UCK2: variants seen among roughly 807,000 people sequenced by gnomAD.
UCK2 encodes uridine-cytidine kinase 2.
Under a neutral mutation model 30.8 loss-of-function variants are expected in UCK2, and 6 were observed. That is an observed-to-expected ratio of 0.19 (90% CI 0.11 to 0.38). The LOEUF (loss-of-function observed/expected upper bound fraction) is 0.38, where lower values mean the gene tolerates loss of function less well. UCK2 is among the 10% of genes least tolerant of loss of function. The pLI, the probability that UCK2 is intolerant of heterozygous loss-of-function variation, is 1.00. For missense variants in UCK2, 210 were observed against 339.8 expected (o/e 0.62, Z 3.00); for synonymous variants, 125 against 133.6 (o/e 0.94, Z 0.45).
chr1:165,893,922 A>G lies in UCK2; in HGVS notation c.357-2268A>G, dbSNP rs76527416. Among the ~76,000 whole-genome samples, 635 of 152,348 alleles carry G rather than the reference A, an allele frequency of 4.2e-3. 5 individuals are homozygous for G. Among genetic ancestry groups the G allele is most frequent in the African/African-American group, 0.015 (604 of 41,568 alleles). On this transcript the variant is annotated intron_variant, in intron 3 of 6. Coordinates refer to ENST00000367879, the MANE Select transcript of UCK2 (RefSeq NM_012474.5). ...GTATTTATCAGTTAGGCATCCTAAA[A>G]TGCTCTTAATATCTAGTGTCAGTAC...
intron 6 of UCK2, among the ~76,000 whole-genome samples, chr1:165,906,735 G>A (rs12045367): frequency 0.24 from 36,779 of 152,206 alleles, 5,365 homozygotes; most frequent in East Asian, 0.49. Flanking sequence ...GCGTAGTGTG[G>A]CAGAGTTGAT....
In UCK2 at chr1:165,827,819, G is replaced by C. The variant is rs547366690; in HGVS notation, c.-15G>C. 2 of 1,416,608 alleles carry C rather than the reference G, an allele frequency of 1.4e-6. No individual in the cohort carries two copies. The highest frequency in any genetic ancestry group is 2.9e-5 in the East Asian group (1 of 34,096). The allele number at this position is 1,416,608 out of a possible 1,614,324, so 87.8% of individuals were successfully genotyped here. ...TCCGTTCGCACAGGCAGCGGGAGGA[G>C]GGGCGGCGCGAACCATGGCCGGGGA... On this transcript the variant is annotated 5_prime_UTR_variant, in exon 1 of 7. Coordinates refer to ENST00000367879, the MANE Select transcript of UCK2 (RefSeq NM_012474.5).
intron 1 of UCK2, among the ~76,000 whole-genome samples, chr1:165,869,018 G>A (rs773896720): frequency 4.6e-5 from 7 of 152,100 alleles, no homozygotes; most frequent in Non-Finnish European, 8.8e-5. Context: ...CTTCAATATT[G>A]TTCTGTCGCA....
intron 1 of UCK2, among the ~76,000 whole-genome samples, chr1:165,829,295 C>T (rs1264720786): frequency 1.3e-5 from 2 of 152,206 alleles, no homozygotes; most frequent in Admixed American, 1.3e-4. Context: ...ATGTTCTTTA[C>T]TATGACTTAT....
chr1:165,863,039 C>G (rs10918297), intron 1 of UCK2, among the ~76,000 whole-genome samples: 61,373 of 152,052 alleles, frequency 0.4, 12,498 homozygotes, highest in African/African-American at 0.45. Context: ...CATAGGAAAC[C>G]TATTATGTGC....
chr1:165,894,733 C>T (rs890766579), intron 3 of UCK2, among the ~76,000 whole-genome samples: 1 of 152,040 alleles, frequency 6.6e-6, no homozygotes, highest in Non-Finnish European at 1.5e-5. Flanking sequence ...TGCCTTAAAA[C>T]TCAGACACAA....
At chr1:165,878,217 A>G (rs1038531160) in intron 1 of UCK2, among the ~76,000 whole-genome samples, 2 of 152,104 alleles carry the variant, frequency 1.3e-5, no homozygotes, top group African/African-American at 2.4e-5. Flanking sequence ...AGAATGTCAT[A>G]TACTGTAGTT....
chr1:165,873,854 G>GCTTTGGATCTCACATCACCAGAGC (rs1655265140), intron 1 of UCK2, among the ~76,000 whole-genome samples: 1 of 151,910 alleles, frequency 6.6e-6, no homozygotes, highest in African/African-American at 2.4e-5. Context: ...TAAAACACCA[G>GCTTTGGATCTCACATCACCAGAGC]CTTTGGATCT....
rs535084668 is a variant in UCK2 at position 165,891,549 on chromosome 1, C to T, written c.356+227C>T. Reference sequence around the variant, plus strand: ...GCTCCCTGGAACAGTCCTGTTGTCACGATTCCTTAACTCTGAAGGATGGGA... The same window carrying T: ...GCTCCCTGGAACAGTCCTGTTGTCATGATTCCTTAACTCTGAAGGATGGGA... On this transcript the variant is annotated intron_variant, in intron 3 of 6. Coordinates refer to ENST00000367879, the MANE Select transcript of UCK2 (RefSeq NM_012474.5). 107 of 477,482 alleles carry T rather than the reference C, an allele frequency of 2.2e-4. 1 individual carries two copies. The South Asian group carries it at 2.8e-3, about 12-fold the overall frequency. The allele number at this position is 477,482 out of a possible 1,614,324, so 29.6% of individuals were successfully genotyped here.
chr1:165,860,401 C>G (rs1188332757), intron 1 of UCK2, among the ~76,000 whole-genome samples: 1 of 152,112 alleles, frequency 6.6e-6, no homozygotes, highest in Non-Finnish European at 1.5e-5. Flanking sequence ...ATTCATCTCC[C>G]TGCAGTTGTG....
intron 1 of UCK2, among the ~76,000 whole-genome samples, chr1:165,837,493 C>T (rs948568317): frequency 6.6e-6 from 1 of 152,152 alleles, no homozygotes; most frequent in Non-Finnish European, 1.5e-5. Flanking sequence ...GTCCTGGGAC[C>T]CTTCAGTATG....
chr1:165,908,201 C>T lies in UCK2; in HGVS notation c.*378C>T. On this transcript the variant is annotated 3_prime_UTR_variant, in exon 7 of 7. Coordinates refer to ENST00000367879, the MANE Select transcript of UCK2 (RefSeq NM_012474.5). ...GTACTTGAGTGTTTTAGGACTGGAGCTGGAATTTCACCAAGGGGAAATTGC... is the reference window on the plus strand; with the variant it reads ...GTACTTGAGTGTTTTAGGACTGGAGTTGGAATTTCACCAAGGGGAAATTGC... 6.4e-6 allele frequency: 1 copy of T among 155,574 alleles called. No homozygotes were observed. Among genetic ancestry groups the T allele is most frequent in the South Asian group, 2.0e-4 (1 of 5,058 alleles). The allele number at this position is 155,574 out of a possible 1,614,324, so 9.6% of individuals were successfully genotyped here. A position where few individuals can be genotyped will look rare whatever the true frequency, so the allele number is the denominator to read the frequency against.
At chr1:165,886,759 C>T (rs190995440) in intron 1 of UCK2, among the ~76,000 whole-genome samples, 7 of 152,298 alleles carry the variant, frequency 4.6e-5, no homozygotes, top group African/African-American at 9.6e-5. Flanking sequence ...AGTAGAGTCT[C>T]TTTGTGGGAC....
At chr1:165,863,751 A>C (rs1439880760) in intron 1 of UCK2, among the ~76,000 whole-genome samples, 1 of 152,248 alleles carries the variant, frequency 6.6e-6, no homozygotes, top group Non-Finnish European at 1.5e-5. Flanking sequence ...AGGGTGCTCT[A>C]GCAATACAGA....
At chr1:165,860,598 A>G (rs1201210157) in intron 1 of UCK2, among the ~76,000 whole-genome samples, 1 of 151,964 alleles carries the variant, frequency 6.6e-6, no homozygotes, top group Non-Finnish European at 1.5e-5. Context: ...ACAGGTGCAC[A>G]CCACCACACC....
chr1:165,859,970 C>T (rs1380872136), intron 1 of UCK2, among the ~76,000 whole-genome samples: 1 of 152,218 alleles, frequency 6.6e-6, no homozygotes, highest in African/African-American at 2.4e-5. Context: ...CCCCACTAGT[C>T]TCCTTGTGCG....
chr1:165,886,842 T>TAACC (rs1553200006), intron 1 of UCK2, among the ~76,000 whole-genome samples: 1 of 152,166 alleles, frequency 6.6e-6, no homozygotes, highest in Non-Finnish European at 1.5e-5. Flanking sequence ...GAGGATGATA[T>TAACC]AACCAAACCC....
At chr1:165,840,530 CAGCACTGCTCCCTGGCATCTGTGCCTG>C (rs1654302539) in intron 1 of UCK2, among the ~76,000 whole-genome samples, 1 of 152,214 alleles carries the variant, frequency 6.6e-6, no homozygotes, top group Non-Finnish European at 1.5e-5. Context: ...CAGTTCTAGC[CAGCACTGCTCCCTGGCATCTGTGCCTG>C]ACAGGGTCCA....
At chr1:165,880,734 G>C (rs1463723464) in intron 1 of UCK2, among the ~76,000 whole-genome samples, 1 of 152,114 alleles carries the variant, frequency 6.6e-6, no homozygotes, top group Non-Finnish European at 1.5e-5. Flanking sequence ...TCTTAATTCA[G>C]TTGCGAGGGA....
Sources: allele counts gnomAD v4.1 joint callset (sites outside exome capture counted in the v4.1 genomes callset), GRCh38; gene constraint gnomAD v4.1.1; transcripts MANE v1.5; gene names NCBI Gene and HGNC (gene_info 2026-07-23, HGNC 2026-07-21).